Variants in PRKCB observed in about 807,000 individuals in gnomAD.
The protein encoded by PRKCB is protein kinase C beta type.
A neutral mutation model predicts 81.5 loss-of-function variants in PRKCB; 13 were observed. That is an observed-to-expected ratio of 0.16 (90% CI 0.10 to 0.25). PRKCB has a LOEUF of 0.25. PRKCB is among the 10% of genes least tolerant of loss of function. The pLI is 1.00. For synonymous variants in PRKCB, 335 were observed against 321.4 expected, an observed-to-expected ratio of 1.04 and a Z score of -0.45; for missense variants, 509 against 875.7, an observed-to-expected ratio of 0.58 and a Z score of 5.29.
rs1468645271 is a variant in PRKCB, at chr16:24,150,085, C to G, written c.1066-4599C>G. On this transcript the variant is annotated intron_variant, in intron 9 of 16. Transcript: ENST00000643927. ...GTGGCTTACGCCTGTAATCCCAGCACTTTGGGAGACCTAGATGGGCGGATC... is the reference window on the plus strand; with the variant it reads ...GTGGCTTACGCCTGTAATCCCAGCAGTTTGGGAGACCTAGATGGGCGGATC... Among the ~76,000 whole-genome samples, 4 of 152,192 alleles carry G rather than the reference C, an allele frequency of 2.6e-5. No homozygotes were observed. In the South Asian group the frequency reaches 6.2e-4, roughly 24 times the overall value.
chr16:24,167,801 A>G (rs561543173), intron 10 of PRKCB, among the ~76,000 whole-genome samples: 1 of 152,316 alleles, frequency 6.6e-6, no homozygotes, highest in Non-Finnish European at 1.5e-5. Flanking sequence ...CCAATGCCTA[A>G]GGTTCAGACC....
chr16:23,950,972 G>T (rs3785387), intron 2 of PRKCB, among the ~76,000 whole-genome samples: 1 of 151,966 alleles, frequency 6.6e-6, no homozygotes, highest in East Asian at 1.9e-4. Context: ...CCCTCTTCCC[G>T]CCTTGTCCCT....
intron 16 of PRKCB, among the ~76,000 whole-genome samples, chr16:24,206,907 A>T (rs1430146317): frequency 1.3e-5 from 2 of 152,230 alleles, no homozygotes; most frequent in Non-Finnish European, 2.9e-5. Flanking sequence ...TACACGTCAA[A>T]GCAGCCACTT....
rs143749768 is a variant in PRKCB at position 24,016,853 on chromosome 16, G to A, written c.289-15283G>A. Reference sequence around the variant, plus strand: ...TGCACAATTCCTTATTCTAAATTCTGATTGGCCCAGTTCTTCCTTCATAAA... The same window carrying A: ...TGCACAATTCCTTATTCTAAATTCTAATTGGCCCAGTTCTTCCTTCATAAA... On this transcript the variant is annotated intron_variant, in intron 3 of 16. Coordinates refer to ENST00000643927, the MANE Select transcript of PRKCB (RefSeq NM_002738.7). Among the ~76,000 whole-genome samples the A allele has an allele frequency of 1.9e-3, 289 of 152,276 alleles. 1 individual carries two copies. Among genetic ancestry groups the A allele is most frequent in the Non-Finnish European group, 3.5e-3 (237 of 68,026 alleles).
At chr16:24,181,771 C>CAAAAAAAAAA (rs71154286) in intron 13 of PRKCB, among the ~76,000 whole-genome samples, 8,467 of 24,062 alleles carry the variant, frequency 0.35, 2,715 homozygotes, top group East Asian at 0.57. Flanking sequence ...GACCCTGTCT[C>CAAAAAAAAAA]AAAAAAAAAA....
intron 3 of PRKCB, among the ~76,000 whole-genome samples, chr16:24,005,202 T>C (rs1424531181): frequency 6.8e-6 from 1 of 147,542 alleles, no homozygotes; most frequent in East Asian, 2.0e-4. Flanking sequence ...GGCCTGGAAA[T>C]GCAGTCATAA....
intron 5 of PRKCB, among the ~76,000 whole-genome samples, chr16:24,043,757 G>C (rs912648766): frequency 5.3e-5 from 8 of 152,190 alleles, no homozygotes; most frequent in Non-Finnish European, 1.2e-4. Flanking sequence ...GCTGGGCGCG[G>C]TCATTGCTCC....
chr16:23,982,652 C>T (rs1397767132), intron 2 of PRKCB, among the ~76,000 whole-genome samples: 1 of 151,996 alleles, frequency 6.6e-6, no homozygotes, highest in Non-Finnish European at 1.5e-5. Context: ...TGGTCTTGAA[C>T]TCCTGGGCTC....
At chr16:23,911,127 G>GCTTTTTTTTTTT (rs1963644759) in intron 2 of PRKCB, among the ~76,000 whole-genome samples, 2 of 11,788 alleles carry the variant, frequency 1.7e-4, no homozygotes, top group Non-Finnish European at 3.4e-4. Flanking sequence ...ACGTATATAT[G>GCTTTTTTTTTTT]CTTTTTTTTT....
chr16:23,871,539 C>T (rs1962903956), intron 2 of PRKCB, among the ~76,000 whole-genome samples: 1 of 152,146 alleles, frequency 6.6e-6, no homozygotes, highest in Non-Finnish European at 1.5e-5. Context: ...TCCCTGACTA[C>T]CCTTCCAGCA....
Position 24,207,093 on chromosome 16 carries a change from G to A in PRKCB, c.1864-7565G>A, listed in dbSNP as rs75704051. ...CTACAGGCATGTGGCGTCATGCCCTGAGAAGTTTTAAATTTTTGTAGAGAC... is the reference window on the plus strand; with the variant it reads ...CTACAGGCATGTGGCGTCATGCCCTAAGAAGTTTTAAATTTTTGTAGAGAC... On this transcript the variant is annotated intron_variant, in intron 16 of 16. Coordinates refer to ENST00000643927, the MANE Select transcript of PRKCB (RefSeq NM_002738.7). Among the ~76,000 whole-genome samples, 75 of 152,272 alleles carry A rather than the reference G, an allele frequency of 4.9e-4. 2 individuals are homozygous for A. In the East Asian group the frequency reaches 0.014, roughly 28 times the overall value.
chr16:23,982,497 T>C (rs2141817386), intron 2 of PRKCB, among the ~76,000 whole-genome samples: 1 of 151,864 alleles, frequency 6.6e-6, no homozygotes, highest in African/African-American at 2.4e-5. Context: ...CACAGCTCAC[T>C]ACAGCCTTGA....
At chr16:24,044,201 T>A (rs1965738516) in intron 5 of PRKCB, among the ~76,000 whole-genome samples, 1 of 151,786 alleles carries the variant, frequency 6.6e-6, no homozygotes, top group African/African-American at 2.4e-5. Context: ...CTAAAAAAAA[T>A]CCAAAAAATT....
rs903169006 is a variant in PRKCB at position 24,124,060 on chromosome 16, C to T, written c.1065+79C>T. On this transcript the variant is annotated intron_variant, in intron 9 of 16. Transcript: ENST00000643927. ...AGGCACATTTGCTGTTCCTATGGGA[C>T]GGACGTCCTAGTGGGAGAGAGAGTA... The T allele has an allele frequency of 5.8e-5, 89 of 1,524,750 alleles. 1 individual carries two copies. Among genetic ancestry groups the T allele is most frequent in the African/African-American group, 1.6e-4 (12 of 72,828 alleles). 94.5% of individuals were successfully genotyped at this position (1,524,750 alleles called of 1,614,324 possible).
At chr16:23,867,698 C>A (rs1962832133) in intron 2 of PRKCB, among the ~76,000 whole-genome samples, 1 of 152,154 alleles carries the variant, frequency 6.6e-6, no homozygotes, top group Non-Finnish European at 1.5e-5. Flanking sequence ...CAAAGTGTTT[C>A]CAAACAGTTC....
intron 2 of PRKCB, among the ~76,000 whole-genome samples, chr16:23,961,700 A>AT (rs199966359): frequency 0.028 from 4,208 of 150,470 alleles, 105 homozygotes; most frequent in Middle Eastern, 0.051. Context: ...CTGAGTGTGG[A>AT]TTTTTTTTTT....
chr16:23,950,136 T>TTG (rs1567323508), intron 2 of PRKCB, among the ~76,000 whole-genome samples: 15 of 135,146 alleles, frequency 1.1e-4, no homozygotes, highest in Non-Finnish European at 2.0e-4. Context: ...ATTTGAATTT[T>TTG]TTTTTTTTTT....
At chr16:24,111,544 T>TG (rs1486224965) in intron 7 of PRKCB, among the ~76,000 whole-genome samples, 1 of 151,392 alleles carries the variant, frequency 6.6e-6, no homozygotes, top group Non-Finnish European at 1.5e-5. Flanking sequence ...CTCAGCTACT[T>TG]GGGATGCTGA....
chr16:23,841,343 G>C (rs574141494), intron 2 of PRKCB, among the ~76,000 whole-genome samples: 483 of 152,248 alleles, frequency 3.2e-3, no homozygotes, highest in Middle Eastern at 6.8e-3. Flanking sequence ...GACTCCCAAA[G>C]TGTTCAGATT....
Sources: gnomAD v4.1 joint callset for allele counts (sites outside exome capture counted in the v4.1 genomes callset) on GRCh38, gnomAD v4.1.1 for gene constraint, MANE v1.5 for transcripts, NCBI Gene and HGNC (gene_info 2026-07-23, HGNC 2026-07-21) for gene names.